WDR90: variants seen among roughly 807,000 people sequenced by gnomAD.
The protein encoded by WDR90 is WD repeat domain 90, also known as WD repeat-containing protein 90.
In WDR90, 238 loss-of-function variants were observed where a neutral mutation model predicts 195.2. The observed-to-expected ratio is 1.22, with a 90% confidence interval of 1.10 to 1.36. The LOEUF is 1.36. WDR90 is among the 40% of genes most tolerant of loss of function. The pLI is 0.00. For synonymous variants in WDR90, 1,265 were observed against 1,052.4 expected (o/e 1.20, Z -3.91); for missense variants, 2,734 against 2,439.5 (o/e 1.12, Z -2.54).
At position 661,110 on chromosome 16, in the gene WDR90, C is replaced by A. The variant is rs867390699; in HGVS notation, c.3451C>A (p.Gln1151Lys). 1.3e-6 allele frequency: 2 copies of A among 1,564,852 alleles called. No homozygotes were observed. Among genetic ancestry groups the A allele is most frequent in the East Asian group, 2.4e-5 (1 of 42,442 alleles). The change falls in exon 29 of 41, where the codon CAG (glutamine) becomes AAG (lysine). Residue 1151 changes from glutamine to lysine, a missense_variant. By Grantham distance (53) the Gln-to-Lys change is moderately conservative. Transcript: ENST00000293879. The part of the protein sequence containing the change: ...VVVEDLHSGA[Q>K]QHWSGHSAEI... ...GGTGGAGGACCTGCACTCTGGCGCC[C>A]AGCAGCACTGGTCCGGCCACTCTGC...
intron 13 of WDR90, chr16:654,594 G>C (rs1299942037): frequency 6.2e-6 from 1 of 162,326 alleles, no homozygotes; most frequent in Non-Finnish European, 1.3e-5. Flanking sequence ...CACCTTGTTA[G>C]CCAGGATGGT....
intron 32 of WDR90, 28 bp downstream of exon 32, chr16:662,087 C>T (rs1468739786): frequency 1.3e-6 from 2 of 1,589,144 alleles, no homozygotes; most frequent in Admixed American, 1.7e-5. Flanking sequence ...GCCCTGTGGC[C>T]CTCAGGACCC....
chr16:657,314 C>T, intron 20 of WDR90, 93 bp downstream of exon 20: 1 of 1,439,472 alleles, frequency 6.9e-7, no homozygotes, highest in Non-Finnish European at 9.1e-7. Flanking sequence ...ATGCCGGTTT[C>T]CTGGTGCACC....
intron 34 of WDR90, among the ~76,000 whole-genome samples, chr16:664,390 C>G (rs2037982042): frequency 6.6e-6 from 1 of 152,180 alleles, no homozygotes; most frequent in African/African-American, 2.4e-5. Context: ...GCCAGTCATC[C>G]CTCTTGATGG....
intron 33 of WDR90, 154 bp downstream of exon 33, chr16:662,485 T>A: frequency 8.4e-7 from 1 of 1,197,576 alleles, no homozygotes; most frequent in Non-Finnish European, 1.1e-6. Flanking sequence ...GGCCTGGGCC[T>A]CACTGGCTGC....
intron 10 of WDR90, among the ~76,000 whole-genome samples, chr16:653,106 G>C (rs544234357): frequency 6.6e-6 from 1 of 152,066 alleles, no homozygotes; most frequent in East Asian, 1.9e-4. Flanking sequence ...GTGTGTACAC[G>C]TGTCTGCTTG....
At chr16:650,897 G>T (rs545475355) in intron 5 of WDR90, 98 bp from the exon 6 acceptor site, 14 of 1,500,170 alleles carry the variant, frequency 9.3e-6, no homozygotes, top group African/African-American at 1.4e-5. Context: ...GGGGTGGGGC[G>T]GTGGCTGGGC....
At chr16:652,577 C>A (rs781018249) in intron 10 of WDR90, 42 bp downstream of exon 10, 12 of 1,561,480 alleles carry the variant, frequency 7.7e-6, no homozygotes, top group Non-Finnish European at 9.6e-6. Context: ...TCTCGTTGGC[C>A]GGCTCGAGCG....
intron 1 of WDR90, 146 bp from the exon 2 acceptor site, chr16:649,617 T>C (rs915132850): frequency 2.6e-6 from 3 of 1,140,396 alleles, no homozygotes; most frequent in Non-Finnish European, 3.4e-6. Flanking sequence ...CCCGGCCTCG[T>C]CCCGCCAGCC....
intron 31 of WDR90, 34 bp from the exon 32 acceptor site, chr16:661,857 C>G (rs1207285113): frequency 1.5e-5 from 24 of 1,597,664 alleles, no homozygotes; most frequent in Admixed American, 1.2e-4. Context: ...CCCCGGGACA[C>G]TGCTGACCCA....
Position 665,644 on chromosome 16 carries a change from G to T in WDR90, c.4312-35G>T, listed in dbSNP as rs773008496. ...CTGCGTCCCTTTACCCTGCCCAGGG[G>T]CCAACACCCCCAGCCTAGCTACGGC... On this transcript the variant is annotated intron_variant, in intron 34 of 40. Coordinates refer to ENST00000293879, the MANE Select transcript of WDR90 (RefSeq NM_145294.5). The T allele has an allele frequency of 2.0e-5, 32 of 1,612,022 alleles. No homozygotes were observed. In the East Asian group the frequency reaches 6.9e-4, roughly 35 times the overall value.
chr16:653,484 C>A (rs776559982), intron 11 of WDR90, 33 bp downstream of exon 11: 3 of 1,612,394 alleles, frequency 1.9e-6, no homozygotes, highest in Non-Finnish European at 2.5e-6. Context: ...GCAGCTCACA[C>A]CTGCAGCCCC....
chr16:656,856 T>C lies in WDR90; in HGVS notation c.2327T>C (p.Val776Ala), dbSNP rs753363165. 1.5e-5 allele frequency: 24 copies of C among 1,612,576 alleles called. No homozygotes were observed. In the East Asian group the frequency reaches 5.3e-4, roughly 36 times the overall value. The stretch of plus-strand genomic sequence containing the variant: ...TCCTTCAGCCTGGAGGCCGCTGAGG[T>C]CCTGGTGGAACACACGTAAGTGCCC... ...VRSFSLEAAE[V>A]LVEHTCHRGA... Residue 776 changes from valine to alanine, a missense_variant, in exon 19 of 41, where the codon GTC (valine) becomes GCC (alanine). Val to Ala is a moderately conservative substitution (Grantham distance 64). Coordinates refer to ENST00000293879, the MANE Select transcript of WDR90 (RefSeq NM_145294.5).
intron 3 of WDR90, 29 bp downstream of exon 3, chr16:650,196 G>T: frequency 6.2e-7 from 1 of 1,610,236 alleles, no homozygotes; most frequent in Non-Finnish European, 8.5e-7. Context: ...GGGGCTGCGT[G>T]GGAGCCCCGG....
At position 657,386 on chromosome 16, in the gene WDR90, G is replaced by C. The variant is rs1260909110; in HGVS notation, c.2473+165G>C. Reference sequence around the variant, plus strand: ...ACCTTGTCAAGGCCCTGAGGAGACTGTGGTTTAGCGTTCACTGGACCCCAA... The same window carrying C: ...ACCTTGTCAAGGCCCTGAGGAGACTCTGGTTTAGCGTTCACTGGACCCCAA... On this transcript the variant is annotated intron_variant, in intron 20 of 40. Transcript: ENST00000293879. 3.5e-6 allele frequency: 4 copies of C among 1,139,478 alleles called. No individual in the cohort carries two copies. The East Asian group carries it at 1.1e-4, about 30-fold the overall frequency. The allele number at this position is 1,139,478 out of a possible 1,614,324, so 70.6% of individuals were successfully genotyped here. A position where few individuals can be genotyped will look rare whatever the true frequency, so the allele number is the denominator to read the frequency against.
chr16:661,156 T>C lies in WDR90; in HGVS notation c.3497T>C (p.Leu1166Pro), dbSNP rs746406977. ...GHSAEISTLA[L>P]SHSAQVLASA... ...TCTGCGGAGATCTCCACGCTGGCCCTCAGCCACAGTGCCCAGGTGCCCGCC... is the reference window on the plus strand; with the variant it reads ...TCTGCGGAGATCTCCACGCTGGCCCCCAGCCACAGTGCCCAGGTGCCCGCC... The change falls in exon 29 of 41, where the codon CTC becomes CCC. Residue 1166 changes from leucine to proline, a missense_variant. Transcript: ENST00000293879. 1.3e-6 allele frequency: 2 copies of C among 1,552,454 alleles called. No homozygotes were observed. The highest frequency in any genetic ancestry group is 1.7e-6 in the Non-Finnish European group (2 of 1,155,436).
In WDR90 at chr16:653,408, T is replaced by G; in HGVS notation, c.1190T>G (p.Val397Gly). The stretch of plus-strand genomic sequence containing the variant: ...CATGCGGTCATCGTCGTCCTGCTCG[T>G]GGACACGGGGGAGCAGCGCTTCTTC... ...PCHAVIVVLL[V>G]DTGEQRFFLG... Residue 397 changes from valine (V) to glycine (G), a missense_variant, in exon 11 of 41, where the codon GTG becomes GGG. By Grantham distance (109) the Val-to-Gly change is moderately radical. Coordinates refer to ENST00000293879, the MANE Select transcript of WDR90 (RefSeq NM_145294.5). The G allele has an allele frequency of 6.2e-7, 1 of 1,610,060 alleles. No individual in the cohort carries two copies. The highest frequency in any genetic ancestry group is 8.5e-7 in the Non-Finnish European group (1 of 1,178,764).
chr16:659,918 CTG>C (rs1302835257), intron 26 of WDR90, 138 bp from the exon 27 acceptor site: 7 of 671,454 alleles, frequency 1.0e-5, no homozygotes, highest in Non-Finnish European at 1.2e-5. Context: ...TTGCCTGCGT[CTG>C]TGGCTCCGGC....
intron 1 of WDR90, 50 bp from the exon 2 acceptor site, chr16:649,711 GCC>G: frequency 7.9e-6 from 12 of 1,519,524 alleles, no homozygotes; most frequent in Non-Finnish European, 1.1e-5. Flanking sequence ...CCCCGCAGTG[GCC>G]CCGGCTCGCG....
Sources: allele counts gnomAD v4.1 joint callset (sites outside exome capture counted in the v4.1 genomes callset), GRCh38; gene constraint gnomAD v4.1.1; transcripts MANE v1.5; gene names NCBI Gene and HGNC (gene_info 2026-07-23, HGNC 2026-07-21).